Variants in SPOCK3 observed in about 807,000 individuals in gnomAD.
SPOCK3 encodes SPARC (osteonectin), cwcv and kazal like domains proteoglycan 3.
SPOCK3 carries 30 observed loss-of-function variants against 56.6 expected under a neutral mutation model. The observed-to-expected ratio is 0.53, with a 90% CI of 0.40 to 0.72. The LOEUF is 0.72. SPOCK3 is among the 30% of genes least tolerant of loss of function. SPOCK3 has a pLI of 0.00. For synonymous variants in SPOCK3, 196 were observed against 183.3 expected (o/e 1.07, Z -0.56); for missense variants, 527 against 530.0 (o/e 0.99, Z 0.06).
At chr4:166,957,255 A>G (rs1208789922) in intron 4 of SPOCK3, among the ~76,000 whole-genome samples, 1 of 152,218 alleles carries the variant, frequency 6.6e-6, no homozygotes, top group Non-Finnish European at 1.5e-5. Flanking sequence ...CTATGTCAAA[A>G]GAGAGAATAA....
chr4:166,845,278 C>A (rs1481803440), intron 6 of SPOCK3, among the ~76,000 whole-genome samples: 1 of 151,992 alleles, frequency 6.6e-6, no homozygotes, highest in Admixed American at 6.6e-5. Flanking sequence ...GCAAAAAGAA[C>A]AATTGGTAAA....
intron 2 of SPOCK3, among the ~76,000 whole-genome samples, chr4:167,084,577 A>T (rs547409015): frequency 3.3e-5 from 5 of 152,080 alleles, no homozygotes; most frequent in Non-Finnish European, 7.4e-5. Context: ...CGAAAAGGTC[A>T]TAGTGATGAC....
chr4:167,074,216 C>CACTTGT (rs1756962946), intron 2 of SPOCK3, among the ~76,000 whole-genome samples: 1 of 151,880 alleles, frequency 6.6e-6, no homozygotes, highest in African/African-American at 2.4e-5. Context: ...AAAGATTTAT[C>CACTTGT]ACTTGTGTAT....
chr4:166,800,923 G>T (rs1466885792), intron 6 of SPOCK3, among the ~76,000 whole-genome samples: 1 of 151,996 alleles, frequency 6.6e-6, no homozygotes, highest in African/African-American at 2.4e-5. Context: ...CATGGTAAAC[G>T]TCCTATATAC....
chr4:166,817,904 A>G (rs1390483839), intron 6 of SPOCK3, among the ~76,000 whole-genome samples: 1 of 152,100 alleles, frequency 6.6e-6, no homozygotes, highest in Non-Finnish European at 1.5e-5. Context: ...GAGTTAATGC[A>G]TGTAATGTGT....
intron 4 of SPOCK3, among the ~76,000 whole-genome samples, chr4:166,921,484 T>G (rs112215448): frequency 0.14 from 21,705 of 152,142 alleles, 2,118 homozygotes; most frequent in South Asian, 0.24. Context: ...GCTCAGCTAA[T>G]TTTTGTATTT....
At chr4:167,205,406 T>TAA (rs1410757023) in intron 2 of SPOCK3, among the ~76,000 whole-genome samples, 2 of 46,036 alleles carry the variant, frequency 4.3e-5, no homozygotes, top group Admixed American at 4.2e-4. Flanking sequence ...ATATAATATA[T>TAA]TATATATTAA....
rs377200946 is a variant in SPOCK3, at chr4:166,830,735, TCCCCG to T, written c.590-38451_590-38447del. Reference sequence around the variant, plus strand: ...GGCACAGAGTAAGACTTTGTCTCCCTCCCCGCCCCGCTCGAAAAAAAGATCCGACA... The same window carrying T: ...GGCACAGAGTAAGACTTTGTCTCCCTCCCCGCTCGAAAAAAAGATCCGACA... On this transcript the variant is annotated intron_variant, in intron 6 of 10. Coordinates refer to ENST00000357545, the MANE Select transcript of SPOCK3 (RefSeq NM_001040159.2). 3.7e-3 allele frequency among the ~76,000 whole-genome samples: 560 copies of T among 151,788 alleles called. 5 individuals are homozygous for T. Among genetic ancestry groups the T allele is most frequent in the African/African-American group, 0.012 (513 of 41,414 alleles).
intron 6 of SPOCK3, among the ~76,000 whole-genome samples, chr4:166,811,192 T>A (rs1452653056): frequency 6.6e-6 from 1 of 151,864 alleles, no homozygotes; most frequent in Non-Finnish European, 1.5e-5. Context: ...GAATTGTATT[T>A]TTATTTTACA....
At chr4:167,198,277 G>T (rs375355702) in intron 2 of SPOCK3, among the ~76,000 whole-genome samples, 7 of 152,206 alleles carry the variant, frequency 4.6e-5, no homozygotes, top group African/African-American at 1.2e-4. Context: ...TTCTGTGGAG[G>T]TTCCTGTCAC....
intron 4 of SPOCK3, among the ~76,000 whole-genome samples, chr4:166,982,320 T>C: frequency 6.6e-6 from 1 of 152,264 alleles, no homozygotes; most frequent in East Asian, 1.9e-4. Context: ...GATGACTTTG[T>C]ATCTCTTTTA....
chr4:166,991,433 G>A (rs189617362), intron 4 of SPOCK3, among the ~76,000 whole-genome samples: 2 of 151,696 alleles, frequency 1.3e-5, no homozygotes, highest in East Asian at 1.9e-4. Flanking sequence ...GCAATGGCAC[G>A]ATCTTGGCTC....
chr4:167,178,207 A>T (rs1482631514), intron 2 of SPOCK3, among the ~76,000 whole-genome samples: 2 of 152,174 alleles, frequency 1.3e-5, no homozygotes, highest in Non-Finnish European at 2.9e-5. Flanking sequence ...CTTTCACAGG[A>T]TTCAATTTCT....
chr4:166,780,636 A>T (rs1740060210), intron 7 of SPOCK3, among the ~76,000 whole-genome samples: 1 of 152,172 alleles, frequency 6.6e-6, no homozygotes, highest in African/African-American at 2.4e-5. Context: ...TACCTGGGAA[A>T]GGATCAGGAG....
intron 2 of SPOCK3, among the ~76,000 whole-genome samples, chr4:167,111,296 G>T (rs1356410918): frequency 6.6e-6 from 1 of 151,922 alleles, no homozygotes; most frequent in African/African-American, 2.4e-5. Context: ...GCGGACTCAA[G>T]AACATATTTT....
At chr4:166,875,452 G>T (rs4128681) in intron 6 of SPOCK3, among the ~76,000 whole-genome samples, 103,727 of 151,904 alleles carry the variant, frequency 0.68, 36,339 homozygotes, top group South Asian at 0.79. Context: ...TGATCAAAGC[G>T]TTCACATACT....
chr4:166,964,852 A>G (rs1198065552), intron 4 of SPOCK3, among the ~76,000 whole-genome samples: 1 of 151,880 alleles, frequency 6.6e-6, no homozygotes, highest in Non-Finnish European at 1.5e-5. Flanking sequence ...TTAAGCTGTC[A>G]TCAGTAATAA....
At chr4:166,922,584 G>A (rs1057322981) in intron 4 of SPOCK3, among the ~76,000 whole-genome samples, 6 of 151,980 alleles carry the variant, frequency 3.9e-5, no homozygotes, top group Admixed American at 2.0e-4. Context: ...CATCTCTCAT[G>A]ACATTAGGAG....
chr4:166,786,931 T>C (rs1333676527), intron 7 of SPOCK3, among the ~76,000 whole-genome samples: 1 of 152,174 alleles, frequency 6.6e-6, no homozygotes, highest in African/African-American at 2.4e-5. Context: ...AGATAAAGTA[T>C]TGACAAAGAA....
Sources: gnomAD v4.1 joint callset for allele counts (sites outside exome capture counted in the v4.1 genomes callset) on GRCh38, gnomAD v4.1.1 for gene constraint, MANE v1.5 for transcripts, NCBI Gene and HGNC (gene_info 2026-07-23, HGNC 2026-07-21) for gene names.